Variants in ZNF354C observed in about 807,000 individuals in gnomAD.
ZNF354C encodes the protein KRAB-zinc finger protein synten.
ZNF354C carries 7 observed loss-of-function variants against 12.4 expected under a neutral mutation model. That is an observed-to-expected ratio of 0.56 (90% CI 0.32 to 1.06). The LOEUF is 1.06. Ranked by LOEUF, ZNF354C falls within the 50% of genes least tolerant of loss-of-function variation. ZNF354C has a pLI of 0.04. For missense variants in ZNF354C, 609 were observed against 658.0 expected, an observed-to-expected ratio of 0.93 and a Z score of 0.81; for synonymous variants, 202 against 224.5, an observed-to-expected ratio of 0.90 and a Z score of 0.90.
intron 4 of ZNF354C, among the ~76,000 whole-genome samples, chr5:179,078,292 G>C (rs761114319): frequency 6.6e-6 from 1 of 152,216 alleles, no homozygotes; most frequent in Non-Finnish European, 1.5e-5. Context: ...TGGACAGGCT[G>C]CCTACTTCAT....
chr5:179,074,764 C>T (rs1484101557), intron 2 of ZNF354C, among the ~76,000 whole-genome samples: 1 of 152,156 alleles, frequency 6.6e-6, no homozygotes, highest in Non-Finnish European at 1.5e-5. Flanking sequence ...TAAGTGCTGT[C>T]AACTCTCTGA....
intron 2 of ZNF354C, among the ~76,000 whole-genome samples, chr5:179,072,899 G>T (rs1033322055): frequency 6.6e-6 from 1 of 152,106 alleles, no homozygotes; most frequent in Admixed American, 6.5e-5. Flanking sequence ...AATCTGGTAT[G>T]TATTTTATAC....
chr5:179,062,159 GT>G (rs1385428133), intron 2 of ZNF354C, 64 bp downstream of exon 2: 1 of 1,600,166 alleles, frequency 6.2e-7, no homozygotes, highest in African/African-American at 1.3e-5. Context: ...TGGTAGACAT[GT>G]TTCCAGACTT....
At chr5:179,061,236 G>A (rs1761887165) in intron 1 of ZNF354C, among the ~76,000 whole-genome samples, 1 of 152,300 alleles carries the variant, frequency 6.6e-6, no homozygotes, top group African/African-American at 2.4e-5. Flanking sequence ...CGGGCCTGGA[G>A]GCCCTCACAC....
chr5:179,062,076 T>A lies in ZNF354C; in HGVS notation c.8T>A (p.Val3Glu), dbSNP rs770657748. 3 of 1,614,068 alleles carry A rather than the reference T, an allele frequency of 1.9e-6. No individual in the cohort carries two copies. The highest frequency in any genetic ancestry group is 3.3e-5 in the Admixed American group (2 of 60,006). The change falls in exon 2 of 5, where the codon GTG becomes GAG. Residue 3 changes from valine to glutamate, a missense_variant. Physicochemically the swap from Val to Glu is moderately radical, Grantham distance 121 (BLOSUM62 -2). Coordinates refer to ENST00000315475, the MANE Select transcript of ZNF354C (RefSeq NM_014594.3). MA[V>E]DLLSAQEPVT... is the part of the protein sequence containing the mutation. ...AAGACTGAGGAGGAAGGGATGGCTG[T>A]GGATCTGCTGTCTGCTCAGGTGAGA...
chr5:179,070,459 C>T (rs1413698329), intron 2 of ZNF354C, among the ~76,000 whole-genome samples: 3 of 152,192 alleles, frequency 2.0e-5, no homozygotes, highest in African/African-American at 7.2e-5. Flanking sequence ...GTACCATCTA[C>T]TTTTCCATGA....
chr5:179,067,831 G>A (rs1761978080), intron 2 of ZNF354C, among the ~76,000 whole-genome samples: 1 of 152,094 alleles, frequency 6.6e-6, no homozygotes, highest in Non-Finnish European at 1.5e-5. Context: ...TGGCGACAGA[G>A]TGAGACTCTG....
chr5:179,082,895 CTGA>C lies in ZNF354C; in HGVS notation c.*2802_*2804del, dbSNP rs1423785143. On this transcript the variant is annotated 3_prime_UTR_variant, in exon 5 of 5. Transcript: ENST00000315475. ...TCCAGGCACTGCACTTGCCAGTGCGCTGATGAAGAATCACGGAGAACTCCACCT... is the reference window on the plus strand; with the variant it reads ...TCCAGGCACTGCACTTGCCAGTGCGCTGAAGAATCACGGAGAACTCCACCT... 1.4e-5 allele frequency: 14 copies of C among 1,021,636 alleles called. No individual in the cohort carries two copies. Among genetic ancestry groups the C allele is most frequent in the Non-Finnish European group, 1.6e-6 (1 of 644,160 alleles). The allele number at this position is 1,021,636 out of a possible 1,614,324, so 63.3% of individuals were successfully genotyped here.
chr5:179,076,861 G>A (rs1253633742), intron 3 of ZNF354C, among the ~76,000 whole-genome samples: 1 of 152,044 alleles, frequency 6.6e-6, no homozygotes, highest in Non-Finnish European at 1.5e-5. Flanking sequence ...CATCTTAGAG[G>A]CCTTCATTGT....
At position 179,081,529 on chromosome 5, in the gene ZNF354C, A is replaced by ATGTT. The variant is rs1196062449; in HGVS notation, c.*1433_*1436dup. 6.6e-6 allele frequency: 1 copy of ATGTT among 152,172 alleles called. No individual in the cohort carries two copies. The highest frequency in any genetic ancestry group is 2.4e-5 in the African/African-American group (1 of 41,432). The allele number at this position is 152,172 out of a possible 1,614,324, so 9.4% of individuals were successfully genotyped here. On this transcript the variant is annotated 3_prime_UTR_variant, in exon 5 of 5. Transcript: ENST00000315475. ...CAATTAGCTAGACCTTCTGAGAAAAATGTTAGAATTAAACTCAAGCAGTCA... is the reference window on the plus strand; with the variant it reads ...CAATTAGCTAGACCTTCTGAGAAAAATGTTTGTTAGAATTAAACTCAAGCAGTCA...
intron 2 of ZNF354C, among the ~76,000 whole-genome samples, chr5:179,074,072 C>T (rs955582943): frequency 6.6e-6 from 1 of 152,024 alleles, no homozygotes; most frequent in Admixed American, 6.5e-5. Flanking sequence ...CAACCTCTAC[C>T]TCCCGGTTCA....
chr5:179,076,995 A>G lies in ZNF354C; in HGVS notation c.155-76A>G, dbSNP rs1762132054. ...CTTGCCTTCTTTGCTGTGTTGGTTC[A>G]GAGTGAGTAGTAGGTCAGTTCTAGG... On this transcript the variant is annotated intron_variant, in intron 3 of 4. Coordinates refer to ENST00000315475, the MANE Select transcript of ZNF354C (RefSeq NM_014594.3). The G allele has an allele frequency of 2.3e-6, 3 of 1,301,544 alleles. No individual in the cohort carries two copies. In the African/African-American group the frequency reaches 4.3e-5, roughly 19 times the overall value. The allele number at this position is 1,301,544 out of a possible 1,614,324, so 80.6% of individuals were successfully genotyped here. A position where few individuals can be genotyped will look rare whatever the true frequency, so the allele number is the denominator to read the frequency against.
intron 4 of ZNF354C, among the ~76,000 whole-genome samples, chr5:179,077,863 T>G (rs1380571528): frequency 6.9e-6 from 1 of 145,154 alleles, no homozygotes; most frequent in African/African-American, 2.5e-5. Context: ...CGGAGTGCAG[T>G]GGTGTGATCA....
At chr5:179,070,500 G>A (rs1403991083) in intron 2 of ZNF354C, among the ~76,000 whole-genome samples, 2 of 152,180 alleles carry the variant, frequency 1.3e-5, no homozygotes, top group Non-Finnish European at 2.9e-5. Context: ...TGGTTTCCTA[G>A]TGTGATCCTG....
At chr5:179,061,519 T>G (rs1453053303) in intron 1 of ZNF354C, among the ~76,000 whole-genome samples, 1 of 152,060 alleles carries the variant, frequency 6.6e-6, no homozygotes, top group Non-Finnish European at 1.5e-5. Flanking sequence ...TGGATTATGC[T>G]CACAGTTTCT....
At chr5:179,066,032 G>C (rs1326120556) in intron 2 of ZNF354C, among the ~76,000 whole-genome samples, 1 of 152,126 alleles carries the variant, frequency 6.6e-6, no homozygotes, top group East Asian at 1.9e-4. Flanking sequence ...CACTCCTAGA[G>C]GTGAAGAATC....
At position 179,082,704 on chromosome 5, in the gene ZNF354C, C is replaced by T. The variant is rs927950587; in HGVS notation, c.*2607C>T. ...AATGACACCAGCTTGACGGATCTTT[C>T]TTTCTGCACCAAACCCCATTGAGTT... On this transcript the variant is annotated 3_prime_UTR_variant, in exon 5 of 5. Coordinates refer to ENST00000315475, the MANE Select transcript of ZNF354C (RefSeq NM_014594.3). The T allele has an allele frequency of 6.3e-7, 1 of 1,590,280 alleles. No homozygotes were observed. The highest frequency in any genetic ancestry group is 1.7e-5 in the Admixed American group (1 of 59,836).
At position 179,079,100 on chromosome 5, in the gene ZNF354C, A is replaced by G. The variant is rs1362130427; in HGVS notation, c.668A>G (p.Lys223Arg). Residue 223 changes from lysine to arginine, a missense_variant, in exon 5 of 5, where the codon AAG (lysine) becomes AGG (arginine). Transcript: ENST00000315475. The surrounding 1 kb of genome is among the most constrained non-coding windows in gnomAD (Gnocchi z 4.2). ...GKPHICNECG[K>R]SFKQNLHLIE... ...CCTCACATCTGTAATGAATGTGGGA[A>G]GAGCTTCAAGCAGAATCTGCATCTT... 1 of 1,613,858 alleles carries G rather than the reference A, an allele frequency of 6.2e-7. No homozygotes were observed. The highest frequency in any genetic ancestry group is 1.3e-5 in the African/African-American group (1 of 74,944).
chr5:179,076,332 A>G, intron 2 of ZNF354C, 113 bp from the exon 3 acceptor site: 1 of 1,490,518 alleles, frequency 6.7e-7, no homozygotes, highest in East Asian at 2.3e-5. Flanking sequence ...TAAACAGTTG[A>G]CGTGAATTAT....
Sources: allele counts gnomAD v4.1 joint callset (sites outside exome capture counted in the v4.1 genomes callset), GRCh38; gene constraint gnomAD v4.1.1; non-coding constraint Gnocchi (gnomAD v3.1); transcripts MANE v1.5; gene names NCBI Gene and HGNC (gene_info 2026-07-23, HGNC 2026-07-21).